The following COL12A1 variants were observed in gnomAD, a reference collection of about 807,000 sequenced individuals.
COL12A1 encodes the protein collagen alpha-1(XII) chain.
Under a neutral mutation model 349.7 loss-of-function variants are expected in COL12A1, and 114 were observed. The observed-to-expected ratio is 0.33, with a 90% CI of 0.28 to 0.38. The LOEUF is 0.38. Among genes scored for constraint, COL12A1 ranks in the 10% least tolerant of loss-of-function variants. The probability of loss-of-function intolerance (pLI) is 1.00; values close to 1 mark genes in which losing one functional copy is unlikely to be tolerated. For missense variants in COL12A1, 3,284 were observed against 3,756.9 expected (o/e 0.87, Z 3.29); for synonymous variants, 1,369 against 1,329.0 (o/e 1.03, Z -0.66).
At chr6:75,162,448 G>C (rs969534480) in intron 14 of COL12A1, among the ~76,000 whole-genome samples, 1 of 152,128 alleles carries the variant, frequency 6.6e-6, no homozygotes, top group African/African-American at 2.4e-5. Flanking sequence ...GGGAAAACTG[G>C]CTAGCCATAC....
chr6:75,173,269 T>C (rs1582175243), intron 13 of COL12A1, among the ~76,000 whole-genome samples: 1 of 152,226 alleles, frequency 6.6e-6, no homozygotes, highest in African/African-American at 2.4e-5. Flanking sequence ...CAACTGGGAC[T>C]CTTCTAGTTG....
At chr6:75,165,411 G>T in intron 14 of COL12A1, 96 bp downstream of exon 14, 4 of 1,463,822 alleles carry the variant, frequency 2.7e-6, no homozygotes, top group Non-Finnish European at 3.7e-6. Flanking sequence ...ATCATGTAAA[G>T]AAAAAACATT....
intron 52 of COL12A1, among the ~76,000 whole-genome samples, chr6:75,106,869 ATTT>A (rs1415766447): frequency 1.4e-5 from 1 of 70,102 alleles, no homozygotes; most frequent in Admixed American, 1.5e-4. Context: ...TTTGTTAGGT[ATTT>A]TCTTTTTTTT....
intron 13 of COL12A1, among the ~76,000 whole-genome samples, chr6:75,172,904 A>T (rs1213707660): frequency 6.6e-6 from 1 of 152,176 alleles, no homozygotes; most frequent in African/African-American, 2.4e-5. Flanking sequence ...CCAACTTTTC[A>T]CATATACAGG....
chr6:75,129,999 C>T, intron 37 of COL12A1, 92 bp downstream of exon 37: 1 of 1,428,972 alleles, frequency 7.0e-7, no homozygotes, highest in Non-Finnish European at 9.6e-7. Context: ...AAGGACTCAA[C>T]CGTACTCACA....
Position 75,130,859 on chromosome 6 carries a change from G to A in COL12A1, c.6060C>T (p.Gly2020=), listed in dbSNP as rs777538791. The change falls in exon 36 of 66, where the codon GGC becomes GGT. Residue 2020 remains glycine, a synonymous_variant. Transcript: ENST00000322507. Reference sequence around the variant, plus strand: ...AAAGGATTTCTGCCTCACGCGTTCGGCCCTGGGCAGGGCTGGGATTTCCCT... The same window carrying A: ...AAAGGATTTCTGCCTCACGCGTTCGACCCTGGGCAGGGCTGGGATTTCCCT... ...DGEGNPSPAQ[G]RTLPRSGPRN... 7 of 1,614,004 alleles carry A rather than the reference G, an allele frequency of 4.3e-6. No individual in the cohort carries two copies. Among genetic ancestry groups the A allele is most frequent in the Non-Finnish European group, 4.2e-6 (5 of 1,179,950 alleles).
chr6:75,102,193 G>A, intron 56 of COL12A1, 141 bp from the exon 57 acceptor site: 1 of 754,820 alleles, frequency 1.3e-6, no homozygotes, highest in Non-Finnish European at 2.2e-6. Context: ...GGGTATTTTT[G>A]AAAGGAGATG....
At chr6:75,128,647 G>T (rs1182232988) in intron 37 of COL12A1, among the ~76,000 whole-genome samples, 1 of 152,172 alleles carries the variant, frequency 6.6e-6, no homozygotes, top group Non-Finnish European at 1.5e-5. Context: ...TCCCAGATCA[G>T]CCACTTAACA....
rs770005423 is a variant in COL12A1, at chr6:75,130,970, T to C, written c.5949A>G (p.Pro1983=). ...GTRPSESIVV[P]GNTRMVHLER... ...CCAGATGCACCATGCGCGTGTTTCC[T>C]GGCACTACTATCTGCAGGAGAGGAA... is the stretch of plus-strand genomic sequence containing the variant. Residue 1983 remains proline, a synonymous_variant, in exon 36 of 66, where the codon CCA becomes CCG. Coordinates refer to ENST00000322507, the MANE Select transcript of COL12A1 (RefSeq NM_004370.6). The C allele has an allele frequency of 2.5e-6, 4 of 1,614,164 alleles. No individual in the cohort carries two copies. Among genetic ancestry groups the C allele is most frequent in the African/African-American group, 1.3e-5 (1 of 75,050 alleles).
intron 27 of COL12A1, among the ~76,000 whole-genome samples, chr6:75,139,253 A>T (rs567467817): frequency 3.6e-4 from 55 of 152,310 alleles, no homozygotes; most frequent in African/African-American, 1.3e-3. Context: ...TCTTTCACAC[A>T]GCAATACACA....
At chr6:75,173,617 C>T (rs1768758223) in intron 13 of COL12A1, among the ~76,000 whole-genome samples, 1 of 152,208 alleles carries the variant, frequency 6.6e-6, no homozygotes, top group East Asian at 1.9e-4. Flanking sequence ...TCAGGTGATC[C>T]ACCTGCCTTG....
chr6:75,151,299 G>A lies in COL12A1; in HGVS notation c.4001-12C>T. The stretch of plus-strand genomic sequence containing the variant: ...AGCATTTTTAATACCTTCAAAAACG[G>A]ATATATACAAATTAAAAGCACTTCT... On this transcript the variant is annotated splice_polypyrimidine_tract_variant and intron_variant, in intron 20 of 65. Coordinates refer to ENST00000322507, the MANE Select transcript of COL12A1 (RefSeq NM_004370.6). 6.2e-7 allele frequency: 1 copy of A among 1,605,580 alleles called. No individual in the cohort carries two copies. The highest frequency in any genetic ancestry group is 8.5e-7 in the Non-Finnish European group (1 of 1,175,078).
At position 75,142,211 on chromosome 6, in the gene COL12A1, T is replaced by G. The variant is rs771418963; in HGVS notation, c.4828-50A>C. On this transcript the variant is annotated intron_variant, in intron 26 of 65. Coordinates refer to ENST00000322507, the MANE Select transcript of COL12A1 (RefSeq NM_004370.6). Reference sequence around the variant, plus strand: ...ACTACTTTTACAAAGGGTTTACTTTTGACATCTCTCTGTTGTTTACTGTAC... The same window carrying G: ...ACTACTTTTACAAAGGGTTTACTTTGGACATCTCTCTGTTGTTTACTGTAC... 6 of 1,608,150 alleles carry G rather than the reference T, an allele frequency of 3.7e-6. No homozygotes were observed. The Admixed American group carries it at 1.0e-4, about 27-fold the overall frequency.
chr6:75,189,476 A>G (rs903766304), intron 6 of COL12A1, 76 bp downstream of exon 6: 87 of 1,577,506 alleles, frequency 5.5e-5, no homozygotes, highest in Admixed American at 7.3e-5. Context: ...TTTAATATGT[A>G]ATAGGCAATG....
Position 75,105,255 on chromosome 6 carries a change from C to A in COL12A1, c.8216G>T (p.Cys2739Phe). The change falls in exon 54 of 66, where the codon TGC becomes TTC. Residue 2739 changes from cysteine (C) to phenylalanine (F), a missense_variant. Cys to Phe is a radical substitution (Grantham distance 205). This residue lies in a region of COL12A1 where 683 missense variants were observed against 932.1 expected (regional missense o/e 0.73). Transcript: ENST00000322507. ...TCCAACGCTGTCCTGTGTACATGTG[C>A]AAGAATTTGGAAAAGCAGGGCATTT... ...EGKCPAFPNS[C>F]TCTQDSVGPP... 6.2e-7 allele frequency: 1 copy of A among 1,613,748 alleles called. No individual in the cohort carries two copies. Among genetic ancestry groups the A allele is most frequent in the Non-Finnish European group, 8.5e-7 (1 of 1,179,846 alleles).
At chr6:75,202,083 G>C (rs78476327) in intron 2 of COL12A1, among the ~76,000 whole-genome samples, 2,060 of 152,290 alleles carry the variant, frequency 0.014, 44 homozygotes, top group African/African-American at 0.047. Flanking sequence ...TTGGAGCCCT[G>C]CTAACCAACA....
intron 60 of COL12A1, among the ~76,000 whole-genome samples, chr6:75,092,293 A>G (rs1378093295): frequency 6.6e-6 from 1 of 152,146 alleles, no homozygotes; most frequent in Non-Finnish European, 1.5e-5. Context: ...GTGTATACCT[A>G]TGTAACAAAC....
Position 75,152,233 on chromosome 6 carries a change from C to T in COL12A1, c.3733G>A (p.Gly1245Arg). 6.2e-7 allele frequency: 1 copy of T among 1,613,722 alleles called. No individual in the cohort carries two copies. The highest frequency in any genetic ancestry group is 2.2e-5 in the East Asian group (1 of 44,854). ...AACTGCCACTCTGTTCTGGGATCCC[C>T]ACTATACTGAGCAAGAGCTAAAATG... is the stretch of plus-strand genomic sequence containing the variant. ...RVQIALAQYS[G>R]DPRTEWQLNA... is the part of the protein sequence containing the mutation. Residue 1245 changes from glycine to arginine, a missense_variant, in exon 19 of 66, where the codon GGG (glycine) becomes AGG (arginine). Transcript: ENST00000322507.
intron 60 of COL12A1, among the ~76,000 whole-genome samples, chr6:75,094,186 T>C (rs1767899367): frequency 6.6e-6 from 1 of 152,182 alleles, no homozygotes; most frequent in Non-Finnish European, 1.5e-5. Context: ...AAATGTCCAA[T>C]TCTAAGTCTC....
Sources: allele counts gnomAD v4.1 joint callset (sites outside exome capture counted in the v4.1 genomes callset), GRCh38; gene constraint gnomAD v4.1.1; regional missense constraint gnomAD v4.1.1; transcripts MANE v1.5; gene names NCBI Gene and HGNC (gene_info 2026-07-23, HGNC 2026-07-21).